The following TMEM67 variants were observed in gnomAD, a reference collection of about 807,000 sequenced individuals.
The protein encoded by TMEM67 is meckelin.
In TMEM67, 124 loss-of-function variants were observed where a neutral mutation model predicts 136.6. The observed-to-expected ratio is 0.91, with a 90% CI of 0.78 to 1.05. The LOEUF (loss-of-function observed/expected upper bound fraction) is 1.05. Among genes scored for constraint, TMEM67 ranks in the 50% least tolerant of loss-of-function variants. The pLI is 0.00. For missense variants in TMEM67, 1,107 were observed against 1,178.4 expected (o/e 0.94, Z 0.89); for synonymous variants, 364 against 390.5 (o/e 0.93, Z 0.80).
At chr8:93,758,623 T>C (rs753382169) in intron 3 of TMEM67, 47 bp downstream of exon 3, 1 of 1,458,994 alleles carries the variant, frequency 6.9e-7, no homozygotes, top group Non-Finnish European at 9.6e-7. Flanking sequence ...ATCTTCATTC[T>C]TGTTTTTGTT....
rs754370463 is a variant in TMEM67 at position 93,781,717 on chromosome 8, G to T, written c.1038G>T (p.Trp346Cys). Residue 346 changes from tryptophan (W) to cysteine (C), a missense_variant, in exon 10 of 28, where the codon TGG becomes TGT. By Grantham distance (215) the Trp-to-Cys change is radical (BLOSUM62 -2). Around this residue, in one of 3 missense-constraint regions of TMEM67, gnomAD observed 925 missense variants for 1,002.4 expected, o/e 0.92. Transcript: ENST00000453321. ...ATATAAGAGGAAATTTTCTCAAGTG[G>T]CAAACTTTAGAAGGAGGTGTTTTAC... Reference protein sequence around the residue: ...SYDIRGNFLKWQTLEGGVLQL... With the variant: ...SYDIRGNFLKCQTLEGGVLQL... 5 of 1,608,600 alleles carry T rather than the reference G, an allele frequency of 3.1e-6. No individual in the cohort carries two copies. In the South Asian group the frequency reaches 4.4e-5, roughly 14 times the overall value.
At chr8:93,765,100 A>T (rs1314267053) in intron 4 of TMEM67, among the ~76,000 whole-genome samples, 1 of 152,110 alleles carries the variant, frequency 6.6e-6, no homozygotes, top group African/African-American at 2.4e-5. Flanking sequence ...CATTTATATG[A>T]GTTTGTTGCT....
chr8:93,764,890 T>C (rs1304710649), intron 4 of TMEM67, among the ~76,000 whole-genome samples: 12 of 152,150 alleles, frequency 7.9e-5, no homozygotes, highest in Non-Finnish European at 1.8e-4. Context: ...TCCCTCCCTC[T>C]GTCTCATTCA....
chr8:93,821,478 CATT>C (rs1333139344), downstream of TMEM67, among the ~76,000 whole-genome samples: 8 of 152,258 alleles, frequency 5.3e-5, no homozygotes, highest in East Asian at 1.4e-3. Flanking sequence ...GACAGAGTCT[CATT>C]ATGTTGCCCA....
chr8:93,789,680 T>TTA (rs1563466217), intron 14 of TMEM67, among the ~76,000 whole-genome samples: 28 of 148,450 alleles, frequency 1.9e-4, no homozygotes, highest in Admixed American at 1.7e-3. Context: ...ATTTTTTTTT[T>TTA]AATGTAAAAC....
At chr8:93,757,614 A>C (rs936512623) in intron 2 of TMEM67, among the ~76,000 whole-genome samples, 2 of 151,448 alleles carry the variant, frequency 1.3e-5, no homozygotes, top group African/African-American at 4.8e-5. Flanking sequence ...CCAGCCTGGC[A>C]ACAGAGCAAA....
chr8:93,754,882 G>T (rs758890132), upstream of TMEM67: 2 of 1,598,552 alleles, frequency 1.3e-6, no homozygotes, highest in East Asian at 2.2e-5. Flanking sequence ...CTGATGGGGG[G>T]CTGGAGGCTG....
chr8:93,819,283 C>T, downstream of TMEM67: 1 of 414,874 alleles, frequency 2.4e-6, no homozygotes, highest in Non-Finnish European at 4.7e-6. Flanking sequence ...CTGAGCCTGC[C>T]TTCTTCCTCA....
intron 24 of TMEM67, 26 bp downstream of exon 24, chr8:93,808,982 T>C: frequency 1.3e-6 from 2 of 1,522,696 alleles, no homozygotes; most frequent in Non-Finnish European, 1.8e-6. Flanking sequence ...AGTTCAGATA[T>C]ATTCTGTCAA....
chr8:93,762,832 T>C, intron 3 of TMEM67: 1 of 301,978 alleles, frequency 3.3e-6, no homozygotes, highest in South Asian at 2.6e-5. Context: ...AAGTGGTATG[T>C]TTGCATAAAT....
intron 18 of TMEM67, 88 bp from the exon 19 acceptor site, chr8:93,797,046 A>G: frequency 1.3e-6 from 1 of 787,566 alleles, no homozygotes; most frequent in East Asian, 2.5e-5. Context: ...TTGTGATAAC[A>G]GTATGTTTCT....
intron 21 of TMEM67, among the ~76,000 whole-genome samples, chr8:93,800,186 C>T (rs943883736): frequency 3.3e-5 from 5 of 152,182 alleles, no homozygotes; most frequent in African/African-American, 1.2e-4. Context: ...TCTGAGATTA[C>T]AGGCATGAGC....
chr8:93,825,527 G>A, the TMEM67 span, among the ~76,000 whole-genome samples: 184 of 152,262 alleles, frequency 1.2e-3, no homozygotes, highest in African/African-American at 4.1e-3. Flanking sequence ...TGATCAGGAC[G>A]GTGAAGGATG....
intron 23 of TMEM67, among the ~76,000 whole-genome samples, chr8:93,807,782 CAAA>C (rs1815220943): frequency 1.3e-5 from 2 of 151,852 alleles, no homozygotes; most frequent in African/African-American, 4.8e-5. Flanking sequence ...TAGATTTAGA[CAAA>C]GAAGGAAAAT....
Position 93,804,808 on chromosome 8 carries a change from A to G in TMEM67, c.2369A>G (p.His790Arg). 2 of 1,608,308 alleles carry G rather than the reference A, an allele frequency of 1.2e-6. No homozygotes were observed. The highest frequency in any genetic ancestry group is 1.7e-6 in the Non-Finnish European group (2 of 1,175,158). The change falls in exon 23 of 28, where the codon CAT (histidine) becomes CGT (arginine). Residue 790 changes from histidine to arginine, a missense_variant. His to Arg is a conservative substitution (Grantham distance 29, BLOSUM62 0). Transcript: ENST00000453321. ...CACAAATGTTTTGGATATTACATTC[A>G]TGGTAGATCAGTACATGGGCATGCA... is the stretch of plus-strand genomic sequence containing the variant. ...LSHKCFGYYI[H>R]GRSVHGHADT...
chr8:93,785,218 T>G lies in TMEM67; in HGVS notation c.1132-4T>G. 6.4e-7 allele frequency: 1 copy of G among 1,550,756 alleles called. No homozygotes were observed. The highest frequency in any genetic ancestry group is 8.9e-7 in the Non-Finnish European group (1 of 1,124,796). ...GTGCTTTTATTTTTAATTTTACTTT[T>G]CAGTGTGAGATTCCTATCTCTAAGA... On this transcript the variant is annotated splice_region_variant and splice_polypyrimidine_tract_variant and intron_variant, in intron 11 of 27. Transcript: ENST00000453321.
In TMEM67 at chr8:93,765,572, A is replaced by G; in HGVS notation, c.577A>G (p.Thr193Ala). The part of the protein sequence containing the change: ...SCACSEPNIL[T>A]GGLCFSSTGN... ...TTTTTTCCCTCATTTATTTATGAAG[A>G]CAGGGGGATTATGTTTCAGCAGCAC... is the stretch of plus-strand genomic sequence containing the variant. The change falls in exon 6 of 28, where the codon ACA (threonine) becomes GCA (alanine). Residue 193 changes from threonine to alanine, a missense_variant and splice_region_variant. This residue lies in a region of TMEM67 where 925 missense variants were observed against 1,002.4 expected (regional missense o/e 0.92). Coordinates refer to ENST00000453321, the MANE Select transcript of TMEM67 (RefSeq NM_153704.6). The G allele has an allele frequency of 6.2e-7, 1 of 1,611,682 alleles. No homozygotes were observed. Among genetic ancestry groups the G allele is most frequent in the Non-Finnish European group, 8.5e-7 (1 of 1,177,840 alleles).
chr8:93,801,026 G>A (rs1814848055), intron 21 of TMEM67, among the ~76,000 whole-genome samples: 1 of 151,222 alleles, frequency 6.6e-6, no homozygotes, highest in Admixed American at 6.6e-5. Context: ...ACAAAAGGAA[G>A]AAAAGAAAAA....
intron 7 of TMEM67, among the ~76,000 whole-genome samples, chr8:93,779,857 C>G (rs1336131297): frequency 6.6e-6 from 1 of 152,218 alleles, no homozygotes; most frequent in Non-Finnish European, 1.5e-5. Flanking sequence ...GGCAGTCTAT[C>G]CATTCTCTGA....
Sources: gnomAD v4.1 joint callset for allele counts (sites outside exome capture counted in the v4.1 genomes callset) on GRCh38, gnomAD v4.1.1 for gene constraint, gnomAD v4.1.1 regional missense constraint, MANE v1.5 for transcripts, NCBI Gene and HGNC (gene_info 2026-07-23, HGNC 2026-07-21) for gene names.